The following HDX variants were observed in gnomAD, a reference collection of about 807,000 sequenced individuals.
The protein encoded by HDX is chromosome X open reading frame 43.
In HDX, 19 loss-of-function variants were observed where a neutral mutation model predicts 45.2. That is an observed-to-expected ratio of 0.42 (90% CI 0.29 to 0.62). The LOEUF is 0.62. Ranked by LOEUF, HDX falls within the 20% of genes least tolerant of loss-of-function variation. HDX has a pLI of 0.20. For missense variants in HDX, 532 were observed against 493.9 expected, an observed-to-expected ratio of 1.08 and a Z score of -0.73; for synonymous variants, 188 against 172.8, an observed-to-expected ratio of 1.09 and a Z score of -0.69.
intron 5 of HDX, among the ~76,000 whole-genome samples, chrX:84,381,172 T>A (rs985700518): frequency 1.8e-4 from 20 of 110,763 alleles, no homozygotes; most frequent in African/African-American, 5.6e-4. Flanking sequence ...TAATGAAAAC[T>A]ACAAAACACT....
intron 6 of HDX, among the ~76,000 whole-genome samples, chrX:84,351,288 G>A (rs2037353425): frequency 9.0e-6 from 1 of 111,106 alleles, no homozygotes; most frequent in African/African-American, 3.3e-5. Flanking sequence ...GGGAATGGTG[G>A]AGGAAGGATT....
At chrX:84,384,328 G>C (rs1394605382) in intron 5 of HDX, among the ~76,000 whole-genome samples, 2 of 110,841 alleles carry the variant, frequency 1.8e-5, no homozygotes, top group Middle Eastern at 8.4e-3. Flanking sequence ...GTTTTTGTTG[G>C]CTGCTTATAT....
intron 5 of HDX, among the ~76,000 whole-genome samples, chrX:84,382,961 C>T (rs1263338141): frequency 9.1e-6 from 1 of 110,259 alleles, no homozygotes; most frequent in African/African-American, 3.3e-5. Flanking sequence ...TCTCATGCGC[C>T]GCATAATATA....
At chrX:84,406,315 ATTTTGGCTAATGTGACACG>A (rs986173598) in intron 5 of HDX, among the ~76,000 whole-genome samples, 2 of 111,084 alleles carry the variant, frequency 1.8e-5, no homozygotes, top group African/African-American at 6.5e-5. Context: ...AAATAAGGTA[ATTTTGGCTAATGTGACACG>A]CTATTAAGAA....
chrX:84,484,282 G>A (rs935826077), intron 2 of HDX, among the ~76,000 whole-genome samples: 4 of 111,879 alleles, frequency 3.6e-5, no homozygotes, highest in African/African-American at 1.3e-4. Flanking sequence ...GCTTGAGACT[G>A]GGTAATTTAT....
intron 9 of HDX, among the ~76,000 whole-genome samples, chrX:84,327,152 T>C (rs895710440): frequency 6.3e-5 from 7 of 111,716 alleles, no homozygotes; most frequent in African/African-American, 2.3e-4. Context: ...CTGTGTACTA[T>C]TGGTGTAAGA....
intron 9 of HDX, among the ~76,000 whole-genome samples, chrX:84,329,466 G>A (rs900199998): frequency 6.4e-5 from 7 of 109,462 alleles, no homozygotes; most frequent in African/African-American, 2.3e-4. Flanking sequence ...TCCTACTTGA[G>A]GTATTTACCC....
At chrX:84,462,849 A>G (rs1487589805) in intron 4 of HDX, among the ~76,000 whole-genome samples, 4 of 111,569 alleles carry the variant, frequency 3.6e-5, no homozygotes, top group African/African-American at 1.3e-4. Flanking sequence ...CAGAAAACAT[A>G]ATATGAAGTA....
intron 4 of HDX, among the ~76,000 whole-genome samples, chrX:84,459,138 G>A (rs1440491301): frequency 2.7e-5 from 3 of 111,678 alleles, no homozygotes; most frequent in Non-Finnish European, 5.6e-5. Context: ...ACGATCAGTA[G>A]GCTAATTAAG....
At chrX:84,394,478 T>A (rs1400607983) in intron 5 of HDX, among the ~76,000 whole-genome samples, 1 of 111,948 alleles carries the variant, frequency 8.9e-6, no homozygotes, top group East Asian at 2.8e-4. Context: ...TCTGTAGTTC[T>A]TGGATGAAAT....
chrX:84,364,583 C>A, intron 5 of HDX, among the ~76,000 whole-genome samples: 1 of 97,953 alleles, frequency 1.0e-5, no homozygotes, highest in Non-Finnish European at 2.0e-5. Context: ...CTCACTGCAA[C>A]CTCTGCCTGC....
At chrX:84,365,148 T>C (rs1365010428) in intron 5 of HDX, among the ~76,000 whole-genome samples, 3 of 111,284 alleles carry the variant, frequency 2.7e-5, no homozygotes, top group Non-Finnish European at 3.8e-5. Context: ...ATGGTAATTC[T>C]ATTTTTAATT....
intron 5 of HDX, among the ~76,000 whole-genome samples, chrX:84,437,176 A>G (rs1317786264): frequency 8.9e-6 from 1 of 111,819 alleles, no homozygotes; most frequent in African/African-American, 3.3e-5. Flanking sequence ...TATATTGGAT[A>G]AAACAAACTT....
intron 5 of HDX, among the ~76,000 whole-genome samples, chrX:84,393,480 G>A (rs765271144): frequency 1.1e-4 from 12 of 111,281 alleles, no homozygotes; most frequent in African/African-American, 2.6e-4. Context: ...TTGGTGTGTC[G>A]TTTTTTCTTT....
chrX:84,464,144 A>G (rs1159401771), intron 4 of HDX, among the ~76,000 whole-genome samples: 1 of 111,160 alleles, frequency 9.0e-6, no homozygotes, highest in African/African-American at 3.3e-5. Context: ...AAAATGGAGA[A>G]CTACAAACCA....
At chrX:84,380,801 G>T (rs761200729) in intron 5 of HDX, among the ~76,000 whole-genome samples, 10 of 110,611 alleles carry the variant, frequency 9.0e-5, no homozygotes, top group African/African-American at 2.9e-4. Context: ...CTTTCTCAGA[G>T]ATATTGAAAA....
chrX:84,454,513 T>A (rs953030767), intron 4 of HDX, among the ~76,000 whole-genome samples: 1 of 109,918 alleles, frequency 9.1e-6, no homozygotes, highest in Non-Finnish European at 1.9e-5. Context: ...TAGGGAAGAG[T>A]TGACAGGACT....
At chrX:84,494,175 A>G (rs1323489956) in intron 1 of HDX, among the ~76,000 whole-genome samples, 1 of 111,913 alleles carries the variant, frequency 8.9e-6, no homozygotes. Flanking sequence ...TATGACAGTG[A>G]TATATGGCAC....
At chrX:84,431,668 C>A (rs139847900) in intron 5 of HDX, among the ~76,000 whole-genome samples, 1,626 of 110,884 alleles carry the variant, frequency 0.015, 25 homozygotes, top group African/African-American at 0.051. Context: ...TGTTCTTTGC[C>A]CACTTTTTAA....
Sources: gnomAD v4.1 joint callset for allele counts (sites outside exome capture counted in the v4.1 genomes callset) on GRCh38, gnomAD v4.1.1 for gene constraint, MANE v1.5 for transcripts, NCBI Gene and HGNC (gene_info 2026-07-23, HGNC 2026-07-21) for gene names.